Variants in CHD2 observed in about 807,000 individuals in gnomAD.
CHD2 encodes chromodomain helicase DNA binding protein 2.
CHD2 carries 28 observed loss-of-function variants against 243.9 expected under a neutral mutation model. The observed-to-expected ratio is 0.11, with a 90% CI of 0.09 to 0.16. The LOEUF is 0.16. Ranked by LOEUF, CHD2 falls within the 10% of genes least tolerant of loss-of-function variation. The probability of loss-of-function intolerance (pLI) is 1.00; values close to 1 mark genes in which losing one functional copy is unlikely to be tolerated. For synonymous variants in CHD2, 775 were observed against 779.0 expected (o/e 0.99, Z 0.09); for missense variants, 1,386 against 2,209.8 (o/e 0.63, Z 7.47).
At chr15:92,966,183 C>T (rs539863392) in intron 16 of CHD2, among the ~76,000 whole-genome samples, 4 of 151,548 alleles carry the variant, frequency 2.6e-5, no homozygotes, top group African/African-American at 9.7e-5. Context: ...CCTGCCTCAG[C>T]CTCCTGAGTA....
At chr15:92,944,240 TTTG>T in intron 9 of CHD2, 172 bp from the exon 10 acceptor site, 1 of 455,402 alleles carries the variant, frequency 2.2e-6, no homozygotes, top group Non-Finnish European at 4.0e-6. Context: ...AAGTGTTTTT[TTTG>T]TTTGTTTGTT....
chr15:92,934,834 T>G (rs1455807353), intron 5 of CHD2, among the ~76,000 whole-genome samples: 1 of 152,190 alleles, frequency 6.6e-6, no homozygotes, highest in Non-Finnish European at 1.5e-5. Context: ...ACCTTGAGTT[T>G]TTCAAATACT....
chr15:92,962,945 A>G (rs956365529), intron 16 of CHD2, among the ~76,000 whole-genome samples: 2 of 152,138 alleles, frequency 1.3e-5, no homozygotes, highest in African/African-American at 4.8e-5. Context: ...TGATTTTATT[A>G]TAGCTCCTCA....
In CHD2 at chr15:92,903,506, A is replaced by AT. The variant is rs201496754; in HGVS notation, c.62+2211dup. Among the ~76,000 whole-genome samples the AT allele has an allele frequency of 7.9e-5, 12 of 152,338 alleles. No homozygotes were observed. The East Asian group carries it at 2.3e-3, about 29-fold the overall frequency. ...GTTAATAGTGGTTATATAAGTTTGTATTTTAATTTGAAGTTAATGCTAAAG... is the reference window on the plus strand; with the variant it reads ...GTTAATAGTGGTTATATAAGTTTGTATTTTTAATTTGAAGTTAATGCTAAAG... On this transcript the variant is annotated intron_variant, in intron 2 of 38. Transcript: ENST00000394196.
chr15:93,010,704 A>G (rs777627736), intron 35 of CHD2, among the ~76,000 whole-genome samples: 5 of 152,250 alleles, frequency 3.3e-5, no homozygotes, highest in Non-Finnish European at 7.3e-5. Flanking sequence ...GATTACAGGC[A>G]TGAGCCACTG....
rs1458476024 is a variant in CHD2, at chr15:93,026,955, G to A, written c.*2250G>A. 3 of 152,626 alleles carry A rather than the reference G, an allele frequency of 2.0e-5. No homozygotes were observed. Among genetic ancestry groups the A allele is most frequent in the Non-Finnish European group, 4.4e-5 (3 of 68,048 alleles). The allele number at this position is 152,626 out of a possible 1,614,324, so 9.5% of individuals were successfully genotyped here. On this transcript the variant is annotated 3_prime_UTR_variant, in exon 39 of 39. Coordinates refer to ENST00000394196, the MANE Select transcript of CHD2 (RefSeq NM_001271.4). ...CTTGAGTTGCTGATAGGAGATGTGA[G>A]TTATGCCCAGAGATGTCTTATCGTG... is the stretch of plus-strand genomic sequence containing the variant.
chr15:92,964,768 A>G (rs538252620), intron 16 of CHD2, among the ~76,000 whole-genome samples: 206 of 152,358 alleles, frequency 1.4e-3, no homozygotes, highest in African/African-American at 4.8e-3. Flanking sequence ...AGATATGACA[A>G]GATTGAAAAA....
In CHD2 at chr15:92,997,146, A is replaced by G; in HGVS notation, c.3734+51A>G. ...AGATGGTCGTACCGTAAGAAAATAG[A>G]TTTGAAGTTAGACTTTGTGTAGTTC... On this transcript the variant is annotated intron_variant, in intron 29 of 38. Coordinates refer to ENST00000394196, the MANE Select transcript of CHD2 (RefSeq NM_001271.4). The surrounding 1 kb of genome is among the most constrained non-coding windows in gnomAD (Gnocchi z 4.1). 1.2e-6 allele frequency: 2 copies of G among 1,603,544 alleles called. No homozygotes were observed. The highest frequency in any genetic ancestry group is 1.1e-5 in the South Asian group (1 of 89,046).
chr15:92,918,200 G>C (rs2052880427), intron 2 of CHD2, among the ~76,000 whole-genome samples: 1 of 152,154 alleles, frequency 6.6e-6, no homozygotes, highest in African/African-American at 2.4e-5. Context: ...CCAGTTCCAA[G>C]AAGGTTAATC....
At position 92,998,537 on chromosome 15, in the gene CHD2, G is replaced by A. The variant is rs745873112; in HGVS notation, c.3924G>A (p.Lys1308=). ...PVETDKKPQG[K]QLQTRADYLL... ...AGACAGATAAAAAGCCTCAGGGGAAGCAGCTACAGACCCGAGCGGATTACT... is the reference window on the plus strand; with the variant it reads ...AGACAGATAAAAAGCCTCAGGGGAAACAGCTACAGACCCGAGCGGATTACT... Residue 1308 remains lysine, a synonymous_variant, in exon 31 of 39, where the codon AAG becomes AAA. Transcript: ENST00000394196. This position sits in a 1 kb window ranked among gnomAD's most constrained non-coding sequence, Gnocchi z 5.1. The A allele has an allele frequency of 2.5e-6, 4 of 1,613,812 alleles. No homozygotes were observed. The highest frequency in any genetic ancestry group is 1.1e-5 in the South Asian group (1 of 91,068).
At chr15:92,901,070 G>A (rs1327613933) in intron 1 of CHD2, 97 bp from the exon 2 acceptor site, 3 of 657,154 alleles carry the variant, frequency 4.6e-6, no homozygotes, top group Middle Eastern at 2.5e-4. Context: ...CCGTTGTTGT[G>A]TTATAACAAT....
chr15:92,921,985 G>A (rs574160816), intron 2 of CHD2, among the ~76,000 whole-genome samples: 1 of 152,284 alleles, frequency 6.6e-6, no homozygotes, highest in East Asian at 1.9e-4. Flanking sequence ...TTAGTCACCT[G>A]GACTAGTCAG....
intron 35 of CHD2, among the ~76,000 whole-genome samples, chr15:93,010,410 A>AT (rs34163529): frequency 0.061 from 8,788 of 142,922 alleles, 295 homozygotes; most frequent in Middle Eastern, 0.15. Context: ...ATGACTGGAA[A>AT]TTTTTTTTTT....
Position 92,949,010 on chromosome 15 carries a change from G to C in CHD2, c.1436G>C (p.Gly479Ala). Residue 479 changes from glycine to alanine, a missense_variant, in exon 13 of 39, where the codon GGG becomes GCG. By Grantham distance (60) the Gly-to-Ala change is moderately conservative (BLOSUM62 0). Transcript: ENST00000394196. ...ALKKQPAYLG[G>A]ENLELRDYQL... is the part of the protein sequence containing the mutation. ...AAGAAACAACCTGCATATTTAGGAG[G>C]GGAGAATCTGGAACTTCGAGATTAT... The C allele has an allele frequency of 6.2e-7, 1 of 1,614,046 alleles. No individual in the cohort carries two copies. Among genetic ancestry groups the C allele is most frequent in the African/African-American group, 1.3e-5 (1 of 75,012 alleles).
intron 37 of CHD2, among the ~76,000 whole-genome samples, chr15:93,015,739 C>T (rs986181080): frequency 3.3e-5 from 5 of 152,112 alleles, no homozygotes; most frequent in Admixed American, 6.5e-5. Context: ...TACAGATTGC[C>T]AACAGGTATA....
At position 92,971,926 on chromosome 15, in the gene CHD2, T is replaced by C. The variant is rs2053846509; in HGVS notation, c.2351T>C (p.Leu784Pro). Residue 784 changes from leucine (L) to proline (P), a missense_variant and splice_region_variant, in exon 18 of 39, where the codon CTG (leucine) becomes CCG (proline). By Grantham distance (98) the Leu-to-Pro change is moderately conservative. This residue lies in a region of CHD2 where 118 missense variants were observed against 266.3 expected (regional missense o/e 0.44). Transcript: ENST00000394196. ...NERENGQEIL[L>P]SLIRSSGKLI... is the part of the protein sequence containing the mutation. ...AGGGAAAATGGACAGGAGATTCTTCTGGTAGGTAGTTCCTCATAATTACTT... is the reference window on the plus strand; with the variant it reads ...AGGGAAAATGGACAGGAGATTCTTCCGGTAGGTAGTTCCTCATAATTACTT... The C allele has an allele frequency of 6.2e-7, 1 of 1,605,472 alleles. No individual in the cohort carries two copies. The highest frequency in any genetic ancestry group is 8.5e-7 in the Non-Finnish European group (1 of 1,177,418).
chr15:92,916,333 G>A (rs2052835225), intron 2 of CHD2, among the ~76,000 whole-genome samples: 1 of 152,160 alleles, frequency 6.6e-6, no homozygotes, highest in Non-Finnish European at 1.5e-5. Flanking sequence ...GATACTTTTG[G>A]GCTCACAGTA....
chr15:92,904,477 A>G, intron 2 of CHD2: 1 of 989,136 alleles, frequency 1.0e-6, no homozygotes, highest in African/African-American at 1.7e-5. Flanking sequence ...CTACCCAGGG[A>G]GCCGCACGCC....
chr15:92,962,845 GT>G (rs1221327726), intron 16 of CHD2, among the ~76,000 whole-genome samples: 1 of 152,102 alleles, frequency 6.6e-6, no homozygotes, highest in African/African-American at 2.4e-5. Context: ...ACTTTTGTAT[GT>G]TCCTGAGGTA....
Sources: gnomAD v4.1 joint callset for allele counts (sites outside exome capture counted in the v4.1 genomes callset) on GRCh38, gnomAD v4.1.1 for gene constraint, gnomAD v4.1.1 regional missense constraint, Gnocchi (gnomAD v3.1) non-coding constraint, MANE v1.5 for transcripts, NCBI Gene and HGNC (gene_info 2026-07-23, HGNC 2026-07-21) for gene names.